DOCK7: variants seen among roughly 807,000 people sequenced by gnomAD.
DOCK7 encodes dedicator of cytokinesis 7.
Under a neutral mutation model 271.0 loss-of-function variants are expected in DOCK7, and 138 were observed. That is an observed-to-expected ratio of 0.51 (90% confidence interval 0.44 to 0.59). DOCK7 has a LOEUF of 0.59. DOCK7 is among the 20% of genes least tolerant of loss of function. The pLI is 0.00. For missense variants in DOCK7, 2,066 were observed against 2,592.4 expected (o/e 0.80, Z 4.41); for synonymous variants, 823 against 876.1 (o/e 0.94, Z 1.07).
chr1:62,496,380 C>T lies in DOCK7; in HGVS notation c.4882G>A (p.Glu1628Lys), dbSNP rs138393645. 3 of 1,613,312 alleles carry T rather than the reference C, an allele frequency of 1.9e-6. No homozygotes were observed. Among genetic ancestry groups the T allele is most frequent in the Non-Finnish European group, 2.5e-6 (3 of 1,179,662 alleles). Reference sequence around the variant, plus strand: ...GTTTCCCTCAATTCCAGATCTTCTTCAGCATATGTCAATATAGTCTTTAGA... The same window carrying T: ...GTTTCCCTCAATTCCAGATCTTCTTTAGCATATGTCAATATAGTCTTTAGA... ...RSLKTILTYA[E>K]EDLELRETTF... Residue 1628 changes from glutamate to lysine, a missense_variant, in exon 38 of 50, where the codon GAA becomes AAA. Around this residue, in one of 2 missense-constraint regions of DOCK7, gnomAD observed 652 missense variants for 922.1 expected, o/e 0.71. Coordinates refer to ENST00000635253, the MANE Select transcript of DOCK7 (RefSeq NM_001367561.1).
intron 7 of DOCK7, among the ~76,000 whole-genome samples, chr1:62,642,131 C>A (rs550706816): frequency 1.4e-5 from 2 of 145,696 alleles, no homozygotes; most frequent in Non-Finnish European, 3.0e-5. Context: ...TTTTTTGAGA[C>A]GGAGTCTTGC....
At chr1:62,639,252 C>A (rs1345828534) in intron 7 of DOCK7, among the ~76,000 whole-genome samples, 1 of 151,818 alleles carries the variant, frequency 6.6e-6, no homozygotes, top group Non-Finnish European at 1.5e-5. Flanking sequence ...AAAAGCAAAT[C>A]AAAGTGAAAT....
At chr1:62,520,124 G>C (rs991842939) in intron 31 of DOCK7, among the ~76,000 whole-genome samples, 1 of 152,056 alleles carries the variant, frequency 6.6e-6, no homozygotes, top group Non-Finnish European at 1.5e-5. Context: ...AGACTTAAAC[G>C]TAAGACCTAA....
chr1:62,636,153 G>A (rs1450126008), intron 8 of DOCK7, among the ~76,000 whole-genome samples: 1 of 152,156 alleles, frequency 6.6e-6, no homozygotes, highest in Non-Finnish European at 1.5e-5. Context: ...TCGGGAGGCT[G>A]AGACAGGAAA....
At chr1:62,541,252 T>G (rs1468599234) in intron 25 of DOCK7, among the ~76,000 whole-genome samples, 3 of 152,222 alleles carry the variant, frequency 2.0e-5, no homozygotes, top group Non-Finnish European at 2.9e-5. Flanking sequence ...ACAAGTTACT[T>G]AACTTCTCTG....
intron 37 of DOCK7, among the ~76,000 whole-genome samples, chr1:62,500,113 T>C (rs780985201): frequency 6.6e-6 from 1 of 151,966 alleles, no homozygotes; most frequent in African/African-American, 2.4e-5. Flanking sequence ...CTATGTTGAG[T>C]AGTAAAAAGG....
At chr1:62,495,837 T>C (rs1372925891) in intron 38 of DOCK7, 156 bp from the exon 39 acceptor site, 2 of 549,534 alleles carry the variant, frequency 3.6e-6, no homozygotes, top group South Asian at 3.1e-5. Flanking sequence ...TGTGGGGATA[T>C]GGTAAGTGAA....
In DOCK7 at chr1:62,663,167, A is replaced by G. The variant is rs770164674; in HGVS notation, c.39-37T>C. 88 of 1,406,676 alleles carry G rather than the reference A, an allele frequency of 6.3e-5. No homozygotes were observed. The African/African-American group carries it at 1.0e-3, about 17-fold the overall frequency. 87.1% of individuals were successfully genotyped at this position (1,406,676 alleles called of 1,614,324 possible). A position where few individuals can be genotyped will look rare whatever the true frequency, so the allele number is the denominator to read the frequency against. ...AAAGCAAAAACATACGCATTATTGA[A>G]AAAAAAAAAAACTAAACTAGTTTAA... On this transcript the variant is annotated intron_variant, in intron 1 of 49. Coordinates refer to ENST00000635253, the MANE Select transcript of DOCK7 (RefSeq NM_001367561.1).
intron 1 of DOCK7, among the ~76,000 whole-genome samples, chr1:62,674,227 T>C (rs1660308075): frequency 6.6e-6 from 1 of 152,150 alleles, no homozygotes; most frequent in East Asian, 1.9e-4. Flanking sequence ...TAGAAATAAA[T>C]TTAACAAAAG....
At chr1:62,498,782 C>A (rs1322589987) in intron 37 of DOCK7, among the ~76,000 whole-genome samples, 1 of 151,928 alleles carries the variant, frequency 6.6e-6, no homozygotes, top group Admixed American at 6.6e-5. Context: ...TATATCACTG[C>A]CAGTTTTAAA....
chr1:62,662,723 T>C (rs1480446686), intron 2 of DOCK7, among the ~76,000 whole-genome samples: 2 of 152,076 alleles, frequency 1.3e-5, no homozygotes, highest in Non-Finnish European at 2.9e-5. Flanking sequence ...AACGCGCCAC[T>C]GCACTCCAGC....
intron 14 of DOCK7, among the ~76,000 whole-genome samples, chr1:62,597,213 GTTTA>G (rs960935722): frequency 1.1e-4 from 16 of 152,006 alleles, no homozygotes; most frequent in African/African-American, 3.9e-4. Context: ...CAACAAAAAA[GTTTA>G]TTTTTGACTT....
At chr1:62,675,385 G>A (rs944519828) in intron 1 of DOCK7, among the ~76,000 whole-genome samples, 7 of 152,162 alleles carry the variant, frequency 4.6e-5, no homozygotes, top group Non-Finnish European at 4.4e-5. Flanking sequence ...CTGGGTAACA[G>A]AGCAAGACCC....
intron 1 of DOCK7, among the ~76,000 whole-genome samples, chr1:62,671,734 C>A (rs1289217943): frequency 6.6e-6 from 1 of 152,074 alleles, no homozygotes; most frequent in Non-Finnish European, 1.5e-5. Context: ...TCTTTGTAAT[C>A]TGGTAAAGTA....
At chr1:62,534,230 C>T (rs1340925729) in intron 29 of DOCK7, among the ~76,000 whole-genome samples, 1 of 152,106 alleles carries the variant, frequency 6.6e-6, no homozygotes, top group Non-Finnish European at 1.5e-5. Flanking sequence ...GAACTCCTGA[C>T]CTCAAGTGAT....
chr1:62,667,858 A>T (rs1178510356), intron 1 of DOCK7, among the ~76,000 whole-genome samples: 1 of 152,108 alleles, frequency 6.6e-6, no homozygotes, highest in East Asian at 1.9e-4. Context: ...TCTCTACGAA[A>T]AATACAAAAA....
At position 62,688,243 on chromosome 1, in the gene DOCK7, C is replaced by T; in HGVS notation, c.22G>A (p.Ala8Thr). 1 of 1,373,532 alleles carries T rather than the reference C, an allele frequency of 7.3e-7. No homozygotes were observed. The highest frequency in any genetic ancestry group is 9.5e-7 in the Non-Finnish European group (1 of 1,051,244). The allele number at this position is 1,373,532 out of a possible 1,614,324, so 85.1% of individuals were successfully genotyped here. Residue 8 changes from alanine to threonine, a missense_variant, in exon 1 of 50, where the codon GCC becomes ACC. Transcript: ENST00000635253. MAERRAF[A>T]QKISRTVAAE... ...GATATTTACCTGCTGATCTTCTGGGCGAAGGCGCGGCGCTCGGCCATGGCT... is the reference window on the plus strand; with the variant it reads ...GATATTTACCTGCTGATCTTCTGGGTGAAGGCGCGGCGCTCGGCCATGGCT...
intron 23 of DOCK7, among the ~76,000 whole-genome samples, chr1:62,543,989 A>G (rs1401258460): frequency 6.6e-6 from 1 of 152,172 alleles, no homozygotes; most frequent in Non-Finnish European, 1.5e-5. Flanking sequence ...GTGATTATAT[A>G]ATATTCAGAG....
chr1:62,603,546 CATT>C (rs1254691204), intron 14 of DOCK7, among the ~76,000 whole-genome samples: 3 of 151,682 alleles, frequency 2.0e-5, no homozygotes, highest in African/African-American at 7.2e-5. Flanking sequence ...AAGAAAGTGA[CATT>C]ATTATTACTC....
Sources: allele counts gnomAD v4.1 joint callset (sites outside exome capture counted in the v4.1 genomes callset), GRCh38; gene constraint gnomAD v4.1.1; regional missense constraint gnomAD v4.1.1; transcripts MANE v1.5; gene names NCBI Gene and HGNC (gene_info 2026-07-23, HGNC 2026-07-21).